The following CERS5 variants were observed in gnomAD, a reference collection of about 807,000 sequenced individuals.
CERS5 encodes ceramide synthase 5.
Under a neutral mutation model 58.9 loss-of-function variants are expected in CERS5, and 37 were observed. That is an observed-to-expected ratio of 0.63 (90% CI 0.48 to 0.83). The LOEUF (loss-of-function observed/expected upper bound fraction) is 0.83. Ranked by LOEUF, CERS5 falls within the 40% of genes least tolerant of loss-of-function variation. The pLI is 0.00. For synonymous variants in CERS5, 147 were observed against 177.8 expected, an observed-to-expected ratio of 0.83 and a Z score of 1.38; for missense variants, 398 against 489.3, an observed-to-expected ratio of 0.81 and a Z score of 1.76.
chr12:50,135,309 GTGTGTGTGT>G (rs1951626566), intron 8 of CERS5: 12 of 10,574 alleles, frequency 1.1e-3, no homozygotes, highest in Non-Finnish European at 1.2e-3. Context: ...AGAGAGAGGA[GTGTGTGTGT>G]GTGTGTGTGT....
chr12:50,164,257 G>A (rs1939627033), intron 1 of CERS5, among the ~76,000 whole-genome samples: 1 of 151,584 alleles, frequency 6.6e-6, no homozygotes, highest in African/African-American at 2.4e-5. Flanking sequence ...ACCATGCCCC[G>A]CTCTCCCAAT....
At chr12:50,146,831 AGT>A (rs1952302783) in intron 1 of CERS5, among the ~76,000 whole-genome samples, 2 of 139,852 alleles carry the variant, frequency 1.4e-5, no homozygotes, top group South Asian at 4.7e-4. Context: ...TGGGCGACAA[AGT>A]GAGACTCCGT....
Position 50,130,463 on chromosome 12 carries a change from G to A in CERS5, c.*82C>T, listed in dbSNP as rs1951254839. 1 of 1,269,484 alleles carries A rather than the reference G, an allele frequency of 7.9e-7. No individual in the cohort carries two copies. The highest frequency in any genetic ancestry group is 1.5e-5 in the African/African-American group (1 of 67,108). The allele number at this position is 1,269,484 out of a possible 1,614,324, so 78.6% of individuals were successfully genotyped here. A position where few individuals can be genotyped will look rare whatever the true frequency, so the allele number is the denominator to read the frequency against. Reference sequence around the variant, plus strand: ...CTTGCAGTCTCCCAATCACAGAAGAGTAGATATGGGAAGGGCCAAGAGGAG... The same window carrying A: ...CTTGCAGTCTCCCAATCACAGAAGAATAGATATGGGAAGGGCCAAGAGGAG... On this transcript the variant is annotated 3_prime_UTR_variant, in exon 10 of 10. Coordinates refer to ENST00000317551, the MANE Select transcript of CERS5 (RefSeq NM_147190.5).
Position 50,134,680 on chromosome 12 carries a change from C to G in CERS5, c.895G>C (p.Glu299Gln). 1.2e-6 allele frequency: 2 copies of G among 1,613,992 alleles called. No individual in the cohort carries two copies. Among genetic ancestry groups the G allele is most frequent in the Non-Finnish European group, 1.7e-6 (2 of 1,179,944 alleles). Residue 299 changes from glutamate to glutamine, a missense_variant, in exon 9 of 10, where the codon GAG (glutamate) becomes CAG (glutamine). Physicochemically the swap from Glu to Gln is conservative, Grantham distance 29. Around this residue, in one of 3 missense-constraint regions of CERS5, gnomAD observed 328 missense variants for 384.5 expected, o/e 0.85. Coordinates refer to ENST00000317551, the MANE Select transcript of CERS5 (RefSeq NM_147190.5). ...PFWILNTTLF[E>Q]SWEIIGPYAS... is the part of the protein sequence containing the mutation. The stretch of plus-strand genomic sequence containing the variant: ...TAAGGCCCGATTATCTCCCAACTCT[C>G]AAAGAGGGTCGTGTTCAGAATCCTA...
In CERS5 at chr12:50,130,330, AAC is replaced by A. The variant is rs924755979; in HGVS notation, c.*213_*214del. The A allele has an allele frequency of 4.7e-6, 2 of 425,580 alleles. No individual in the cohort carries two copies. Among genetic ancestry groups the A allele is most frequent in the East Asian group, 7.0e-5 (2 of 28,394 alleles). 26.4% of individuals were successfully genotyped at this position (425,580 alleles called of 1,614,324 possible). On this transcript the variant is annotated 3_prime_UTR_variant, in exon 10 of 10. Transcript: ENST00000317551. The stretch of plus-strand genomic sequence containing the variant: ...AAACGCACATCAACAAACACACAAA[AAC>A]ACACAGAGCAAATAACATTACTGAA...
At chr12:50,166,668 T>C (rs1939934318) in intron 1 of CERS5, among the ~76,000 whole-genome samples, 1 of 152,208 alleles carries the variant, frequency 6.6e-6, no homozygotes, top group South Asian at 2.1e-4. Context: ...TCCTTTCCCT[T>C]GGAACGTCTG....
Position 50,167,163 on chromosome 12 carries a change from C to T in CERS5, c.135G>A (p.Arg45=), listed in dbSNP as rs1940005698. 1.9e-6 allele frequency: 3 copies of T among 1,597,734 alleles called. No homozygotes were observed. Among genetic ancestry groups the T allele is most frequent in the Admixed American group, 1.7e-5 (1 of 58,294 alleles). Residue 45 remains arginine, a synonymous_variant, in exon 1 of 10, where the codon CGG becomes CGA. Transcript: ENST00000317551. Reference sequence around the variant, plus strand: ...CCAGCGGGAACACCGAGAGGATGTGCCGGCCGCGGGGGTAACCGTAGCCGT... The same window carrying T: ...CCAGCGGGAACACCGAGAGGATGTGTCGGCCGCGGGGGTAACCGTAGCCGT... The part of the protein sequence containing the change: ...PADGYGYPRG[R]HILSVFPLAA...
intron 6 of CERS5, 72 bp downstream of exon 6, chr12:50,137,656 A>C (rs991598356): frequency 2.4e-6 from 2 of 819,636 alleles, no homozygotes; most frequent in African/African-American, 3.5e-5. Context: ...AATACATCGT[A>C]ATGGCAGTCA....
Position 50,163,229 on chromosome 12 carries a change from C to T in CERS5, c.197+3872G>A, listed in dbSNP as rs372167549. 5.9e-5 allele frequency among the ~76,000 whole-genome samples: 9 copies of T among 151,508 alleles called. No individual in the cohort carries two copies. The East Asian group carries it at 1.8e-3, about 30-fold the overall frequency. ...TTTATTTATTTTTGAGATGGAGTGT[C>T]GCTCTGTTGCCCAGGCTGGAGTCCA... On this transcript the variant is annotated intron_variant, in intron 1 of 9. Transcript: ENST00000317551.
chr12:50,163,715 G>A (rs957430408), intron 1 of CERS5, among the ~76,000 whole-genome samples: 1 of 151,278 alleles, frequency 6.6e-6, no homozygotes, highest in African/African-American at 2.4e-5. Flanking sequence ...GTTTGATCAC[G>A]GCTCACTGCA....
chr12:50,140,014 C>T lies in CERS5; in HGVS notation c.493-1397G>A, dbSNP rs186616070. On this transcript the variant is annotated intron_variant, in intron 4 of 9. Transcript: ENST00000317551. ...AGGGGAGTACAGGGGTGAGCCACCACGCCTGGCCAATTTCTGCTTATTTTT... is the reference window on the plus strand; with the variant it reads ...AGGGGAGTACAGGGGTGAGCCACCATGCCTGGCCAATTTCTGCTTATTTTT... 5.3e-5 allele frequency among the ~76,000 whole-genome samples: 8 copies of T among 152,126 alleles called. No individual in the cohort carries two copies. The East Asian group carries it at 9.7e-4, about 18-fold the overall frequency.
At chr12:50,142,174 GAAGTCAAGATAGCAAA>G in intron 3 of CERS5, 64 bp from the exon 4 acceptor site, 2 of 1,111,506 alleles carry the variant, frequency 1.8e-6, no homozygotes, top group South Asian at 1.3e-5. Flanking sequence ...TGAGGCTACG[GAAGTCAAGATAGCAAA>G]TTTGGGGATA....
chr12:50,139,656 G>A (rs1338017068), intron 4 of CERS5, among the ~76,000 whole-genome samples: 1 of 152,062 alleles, frequency 6.6e-6, no homozygotes, highest in Non-Finnish European at 1.5e-5. Flanking sequence ...AGCTGGGCCT[G>A]GTGGCGTATT....
chr12:50,156,420 CTATATATA>C (rs55762917), intron 1 of CERS5, among the ~76,000 whole-genome samples: 5 of 77,322 alleles, frequency 6.5e-5, no homozygotes, highest in African/African-American at 2.1e-4. Flanking sequence ...AACAAACAAA[CTATATATA>C]TATATATATA....
In CERS5 at chr12:50,143,713, G is replaced by A. The variant is rs948457791; in HGVS notation, c.303+239C>T. ...TATGGTATGTGTCTGGGGAAAGAGG[G>A]GTAAGGGTGGCTGCTGGGCCTAAAA... On this transcript the variant is annotated intron_variant, in intron 2 of 9. Transcript: ENST00000317551. 14 of 446,908 alleles carry A rather than the reference G, an allele frequency of 3.1e-5. No individual in the cohort carries two copies. The Admixed American group carries it at 3.9e-4, about 12-fold the overall frequency. The allele number at this position is 446,908 out of a possible 1,614,324, so 27.7% of individuals were successfully genotyped here.
Position 50,156,420 on chromosome 12 carries a change from CTATA to C in CERS5, c.197+10677_197+10680del, listed in dbSNP as rs55762917. 5.2e-5 allele frequency among the ~76,000 whole-genome samples: 4 copies of C among 77,348 alleles called. 1 individual carries two copies. The highest frequency in any genetic ancestry group is 1.5e-4 in the African/African-American group (3 of 19,390). The allele number at this position is 77,348 out of a possible 152,430, so 50.7% of individuals were successfully genotyped here. ...CTCTGTCTCAAAACAAACAAACAAA[CTATA>C]TATATATATATATAAAACAATTAGT... On this transcript the variant is annotated intron_variant, in intron 1 of 9. Transcript: ENST00000317551.
At chr12:50,167,059 G>T in intron 1 of CERS5, 42 bp downstream of exon 1, 1 of 1,438,654 alleles carries the variant, frequency 7.0e-7, no homozygotes, top group Non-Finnish European at 9.2e-7. Context: ...GGCGCCCCCG[G>T]CCCGCGCCCG....
At chr12:50,148,808 G>A (rs935691742) in intron 1 of CERS5, among the ~76,000 whole-genome samples, 1 of 150,346 alleles carries the variant, frequency 6.7e-6, no homozygotes, top group Non-Finnish European at 1.5e-5. Context: ...AGGTGGCTAA[G>A]GCAGGAGAAT....
rs1423927189 is a variant in CERS5, at chr12:50,135,756, G to A, written c.848C>T (p.Thr283Ile). ...FVIFSAVFMV[T>I]RLGIYPFWIL... ...CCAGAATGGATAGATTCCTAGTCGT[G>A]TAACCATAAAAACAGCACTGAAGAT... Residue 283 changes from threonine (T) to isoleucine (I), a missense_variant, in exon 8 of 10, where the codon ACA becomes ATA. Around this residue, in one of 3 missense-constraint regions of CERS5, gnomAD observed 328 missense variants for 384.5 expected, o/e 0.85. Transcript: ENST00000317551. 11 of 1,613,146 alleles carry A rather than the reference G, an allele frequency of 6.8e-6. No individual in the cohort carries two copies. The highest frequency in any genetic ancestry group is 8.5e-6 in the Non-Finnish European group (10 of 1,179,260).
Sources: gnomAD v4.1 joint callset for allele counts (sites outside exome capture counted in the v4.1 genomes callset) on GRCh38, gnomAD v4.1.1 for gene constraint, gnomAD v4.1.1 regional missense constraint, MANE v1.5 for transcripts, NCBI Gene and HGNC (gene_info 2026-07-23, HGNC 2026-07-21) for gene names.